CIAO1: variants seen among roughly 807,000 people sequenced by gnomAD.
The protein encoded by CIAO1 is cytosolic iron-sulfur assembly component 1, also known as probable cytosolic iron-sulfur protein assembly protein CIAO1.
CIAO1 carries 32 observed loss-of-function variants against 43.1 expected under a neutral mutation model. The observed-to-expected ratio is 0.74, with a 90% confidence interval of 0.56 to 1.00. The LOEUF is 1.00. CIAO1 is among the 50% of genes least tolerant of loss of function. The pLI is 0.00. For missense variants in CIAO1, 415 were observed against 437.4 expected, an observed-to-expected ratio of 0.95 and a Z score of 0.46; for synonymous variants, 183 against 171.4, an observed-to-expected ratio of 1.07 and a Z score of -0.53.
rs546763223 is a variant in CIAO1, at chr2:96,269,433, T to A, written c.779+78T>A. On this transcript the variant is annotated intron_variant, in intron 6 of 6. Coordinates refer to ENST00000488633, the MANE Select transcript of CIAO1 (RefSeq NM_004804.3). ...AGAAGGCATACCCTATGCAGTCCTC[T>A]GCAACCCTGGGGGAGTGCTTGGGAA... 3.9e-5 allele frequency: 53 copies of A among 1,357,516 alleles called. 1 individual carries two copies. The African/African-American group carries it at 6.4e-4, about 16-fold the overall frequency. 84.1% of individuals were successfully genotyped at this position (1,357,516 alleles called of 1,614,324 possible). A position where few individuals can be genotyped will look rare whatever the true frequency, so the allele number is the denominator to read the frequency against.
In CIAO1 at chr2:96,266,469, T is replaced by C; in HGVS notation, c.119T>C (p.Ile40Thr). The change falls in exon 1 of 7, where the codon ATC (isoleucine) becomes ACC (threonine). Residue 40 changes from isoleucine to threonine, a missense_variant. Transcript: ENST00000488633. ...GCCTCGTGCGGCGGCGACCGGAGAA[T>C]CCGCATCTGGGGCACGGAGGGTAAG... is the stretch of plus-strand genomic sequence containing the variant. ...LLASCGGDRR[I>T]RIWGTEGDSW... 1 of 1,546,318 alleles carries C rather than the reference T, an allele frequency of 6.5e-7. No homozygotes were observed. Among genetic ancestry groups the C allele is most frequent in the Non-Finnish European group, 8.8e-7 (1 of 1,139,398 alleles).
At chr2:96,267,165 C>A in intron 1 of CIAO1, 156 bp from the exon 2 acceptor site, 3 of 340,418 alleles carry the variant, frequency 8.8e-6, no homozygotes, top group Non-Finnish European at 1.1e-5. Context: ...AAAAAAGCTT[C>A]CAGACGAAGT....
chr2:96,268,194 A>G (rs1684474230), intron 4 of CIAO1, among the ~76,000 whole-genome samples: 1 of 152,154 alleles, frequency 6.6e-6, no homozygotes. Flanking sequence ...TCTCTACTAA[A>G]AATACAAAAT....
chr2:96,271,200 C>G lies in CIAO1; in HGVS notation c.869C>G (p.Pro290Arg), dbSNP rs765631003. 6.2e-7 allele frequency: 1 copy of G among 1,614,250 alleles called. No homozygotes were observed. Among genetic ancestry groups the G allele is most frequent in the Non-Finnish European group, 8.5e-7 (1 of 1,180,046 alleles). Residue 290 changes from proline to arginine, a missense_variant, in exon 7 of 7, where the codon CCC becomes CGC. Transcript: ENST00000488633. ...GATCCCAACTCGGATCCACAGCAGC[C>G]CACCTTCTCCCTGACAGCCCACTTG... ...QEDPNSDPQQPTFSLTAHLHQ... is the reference protein window; with the variant it reads ...QEDPNSDPQQRTFSLTAHLHQ...
At chr2:96,270,044 C>T (rs1187508888) in intron 6 of CIAO1, among the ~76,000 whole-genome samples, 3 of 152,076 alleles carry the variant, frequency 2.0e-5, no homozygotes, top group Admixed American at 2.0e-4. Flanking sequence ...TAGTTCTGGC[C>T]CTGAGAATTG....
At position 96,271,229 on chromosome 2, in the gene CIAO1, C is replaced by G; in HGVS notation, c.898C>G (p.Gln300Glu). The G allele has an allele frequency of 6.2e-7, 1 of 1,614,262 alleles. No homozygotes were observed. The highest frequency in any genetic ancestry group is 8.5e-7 in the Non-Finnish European group (1 of 1,180,048). Residue 300 changes from glutamine (Q) to glutamate (E), a missense_variant, in exon 7 of 7, where the codon CAG becomes GAG. Physicochemically the swap from Gln to Glu is conservative, Grantham distance 29. Transcript: ENST00000488633. ...CTTCTCCCTGACAGCCCACTTGCAT[C>G]AGGCCCATTCCCAGGATGTCAACTG... is the stretch of plus-strand genomic sequence containing the variant. Reference protein sequence around the residue: ...PTFSLTAHLHQAHSQDVNCVA... With the variant: ...PTFSLTAHLHEAHSQDVNCVA...
In CIAO1 at chr2:96,273,662, C is replaced by CAAAAAA. The variant is rs57198918; in HGVS notation, c.*2330_*2335dup. ...TGGGTGACAGAGCGAGACTCCATTT[C>CAAAAAA]AAAAAAAAAAAAAAAAAAAAAAAAT... On this transcript the variant is annotated 3_prime_UTR_variant, in exon 7 of 7. Transcript: ENST00000488633. Among the ~76,000 whole-genome samples, 1 of 55,982 alleles carries CAAAAAA rather than the reference C, an allele frequency of 1.8e-5. No homozygotes were observed. Among genetic ancestry groups the CAAAAAA allele is most frequent in the Non-Finnish European group, 3.8e-5 (1 of 26,638 alleles). 36.7% of individuals were successfully genotyped at this position (55,982 alleles called of 152,430 possible).
chr2:96,266,323 C>T lies in CIAO1; in HGVS notation c.-28C>T. On this transcript the variant is annotated 5_prime_UTR_variant, in exon 1 of 7. Transcript: ENST00000488633. ...CTGTCTGCTCAGCGGACTCTGCCCG[C>T]CCCCACCTCCCCCTGCGTCGGGCCG... 27 of 1,378,132 alleles carry T rather than the reference C, an allele frequency of 2.0e-5. No homozygotes were observed. The highest frequency in any genetic ancestry group is 2.6e-5 in the Non-Finnish European group (27 of 1,049,892). The allele number at this position is 1,378,132 out of a possible 1,614,324, so 85.4% of individuals were successfully genotyped here.
Position 96,268,108 on chromosome 2 carries a change from C to T in CIAO1, c.489+184C>T, listed in dbSNP as rs1248912697. 18 of 632,334 alleles carry T rather than the reference C, an allele frequency of 2.8e-5. No homozygotes were observed. In the Admixed American group the frequency reaches 4.5e-4, roughly 16 times the overall value. The allele number at this position is 632,334 out of a possible 1,614,324, so 39.2% of individuals were successfully genotyped here. A position where few individuals can be genotyped will look rare whatever the true frequency, so the allele number is the denominator to read the frequency against. On this transcript the variant is annotated intron_variant, in intron 4 of 6. Coordinates refer to ENST00000488633, the MANE Select transcript of CIAO1 (RefSeq NM_004804.3). ...GTGGCTCACACCTATAATCTCAGCA[C>T]TTTGGGAGGCCATGGTGGGTGGATC...
At chr2:96,269,226 G>C in intron 5 of CIAO1, 42 bp from the exon 6 acceptor site, 1 of 1,570,186 alleles carries the variant, frequency 6.4e-7, no homozygotes, top group Non-Finnish European at 8.8e-7. Flanking sequence ...GAGGTGCCCA[G>C]GACATAGGAA....
At position 96,268,641 on chromosome 2, in the gene CIAO1, T is replaced by C; in HGVS notation, c.674T>C (p.Leu225Pro). ...DRTVRIWRQY[L>P]PGNEQGVACS... ...ACTGTGCGTATCTGGCGTCAGTATC[T>C]ACCAGGCAATGAACAAGGTGAGGTC... is the stretch of plus-strand genomic sequence containing the variant. Residue 225 changes from leucine (L) to proline (P), a missense_variant, in exon 5 of 7, where the codon CTA becomes CCA. Transcript: ENST00000488633. The C allele has an allele frequency of 6.2e-7, 1 of 1,614,170 alleles. No individual in the cohort carries two copies. The highest frequency in any genetic ancestry group is 8.5e-7 in the Non-Finnish European group (1 of 1,180,018).
chr2:96,266,870 C>T (rs1175335893), intron 1 of CIAO1, among the ~76,000 whole-genome samples: 4 of 152,094 alleles, frequency 2.6e-5, no homozygotes, highest in African/African-American at 9.7e-5. Flanking sequence ...CGCGGTGGCT[C>T]ACGCCTGTAA....
At chr2:96,268,204 T>C (rs1684474415) in intron 4 of CIAO1, among the ~76,000 whole-genome samples, 1 of 152,050 alleles carries the variant, frequency 6.6e-6, no homozygotes, top group African/African-American at 2.4e-5. Context: ...AAATACAAAA[T>C]TAGCGGGCAT....
At chr2:96,269,920 C>T (rs950934653) in intron 6 of CIAO1, among the ~76,000 whole-genome samples, 4 of 151,988 alleles carry the variant, frequency 2.6e-5, no homozygotes, top group Non-Finnish European at 4.4e-5. Context: ...GCTGGGATTA[C>T]AGGCATGAGC....
chr2:96,266,247 G>T lies in CIAO1; in HGVS notation c.-104G>T. ...TCCGGCGGAAGCGGGAGCCTCTGTC[G>T]GCCGCGGAAGCCTGGAGTGGGCGGT... On this transcript the variant is annotated 5_prime_UTR_variant, in exon 1 of 7. Transcript: ENST00000488633. 8.1e-7 allele frequency: 1 copy of T among 1,227,508 alleles called. No individual in the cohort carries two copies. The highest frequency in any genetic ancestry group is 1.0e-6 in the Non-Finnish European group (1 of 970,552). 76.0% of individuals were successfully genotyped at this position (1,227,508 alleles called of 1,614,324 possible).
chr2:96,271,070 T>C, intron 6 of CIAO1, 41 bp from the exon 7 acceptor site: 1 of 1,611,740 alleles, frequency 6.2e-7, no homozygotes, highest in Middle Eastern at 1.7e-4. Context: ...CTCTCTGGCC[T>C]AATTAGTCAG....
chr2:96,267,245 A>G, intron 1 of CIAO1, 76 bp from the exon 2 acceptor site: 1 of 1,472,422 alleles, frequency 6.8e-7, no homozygotes, highest in South Asian at 1.4e-5. Flanking sequence ...GCTTGATTCC[A>G]GTGCTAGCCC....
chr2:96,267,580 GGGTGTTA>G, intron 2 of CIAO1, 38 bp from the exon 3 acceptor site: 1 of 1,609,608 alleles, frequency 6.2e-7, no homozygotes, highest in Non-Finnish European at 8.5e-7. Context: ...AGGGGCTTAG[GGGTGTTA>G]GCTGCTGTTA....
At chr2:96,268,691 A>G (rs774534803) in intron 5 of CIAO1, 33 bp downstream of exon 5, 1 of 1,607,702 alleles carries the variant, frequency 6.2e-7, no homozygotes, top group Non-Finnish European at 8.5e-7. Context: ...AAGAAGACCC[A>G]TCTCTCAAGG....
Sources: allele counts gnomAD v4.1 joint callset (sites outside exome capture counted in the v4.1 genomes callset), GRCh38; gene constraint gnomAD v4.1.1; transcripts MANE v1.5; gene names NCBI Gene and HGNC (gene_info 2026-07-23, HGNC 2026-07-21).